OTOP1: variants seen among roughly 807,000 people sequenced by gnomAD.
The protein encoded by OTOP1 is otopetrin 1.
In OTOP1, 59 loss-of-function variants were observed where a neutral mutation model predicts 52.9. The ratio of observed to expected loss-of-function variants is 1.12; its 90% CI spans 0.91 to 1.39. OTOP1 has a LOEUF of 1.39. Among genes scored for constraint, OTOP1 ranks in the 40% most tolerant of loss-of-function variants. The probability of loss-of-function intolerance (pLI) is 0.00; values close to 1 mark genes in which losing one functional copy is unlikely to be tolerated. For synonymous variants in OTOP1, 317 were observed against 337.7 expected (o/e 0.94, Z 0.67); for missense variants, 761 against 800.9 (o/e 0.95, Z 0.60).
intron 1 of OTOP1, among the ~76,000 whole-genome samples, chr4:4,221,133 G>A (rs1717293739): frequency 6.6e-6 from 1 of 150,590 alleles, no homozygotes; most frequent in Admixed American, 6.6e-5. Flanking sequence ...AGGCTGGAGT[G>A]CAGTGGCATG....
rs560918183 is a variant in OTOP1, at chr4:4,219,835, A to G, written c.403+6627T>C. Among the ~76,000 whole-genome samples, 17 of 108,178 alleles carry G rather than the reference A, an allele frequency of 1.6e-4. No individual in the cohort carries two copies. The South Asian group carries it at 5.5e-3, about 35-fold the overall frequency. The allele number at this position is 108,178 out of a possible 152,430, so 71.0% of individuals were successfully genotyped here. A position where few individuals can be genotyped will look rare whatever the true frequency, so the allele number is the denominator to read the frequency against. ...TGTATATATGTATACATATGTGTAT[A>G]CATATATATACACATATACATGTAT... On this transcript the variant is annotated intron_variant, in intron 1 of 5. Coordinates refer to ENST00000296358, the MANE Select transcript of OTOP1 (RefSeq NM_177998.3).
chr4:4,191,573 C>G (rs1716507743), intron 5 of OTOP1, among the ~76,000 whole-genome samples: 1 of 152,166 alleles, frequency 6.6e-6, no homozygotes, highest in Non-Finnish European at 1.5e-5. Flanking sequence ...GGGTTTTATA[C>G]CAGCCATTGT....
chr4:4,219,858 T>C (rs1178050540), intron 1 of OTOP1, among the ~76,000 whole-genome samples: 3 of 147,178 alleles, frequency 2.0e-5, no homozygotes, highest in Non-Finnish European at 4.5e-5. Context: ...CATATACATG[T>C]ATATATGTAT....
chr4:4,199,708 C>T (rs1447691852), intron 4 of OTOP1, among the ~76,000 whole-genome samples: 5 of 152,146 alleles, frequency 3.3e-5, no homozygotes, highest in South Asian at 4.1e-4. Flanking sequence ...CCACCGCACC[C>T]GGCCAGGATG....
rs1476554968 is a variant in OTOP1 at position 4,197,792 on chromosome 4, T to C, written c.1042A>G (p.Ile348Val). The C allele has an allele frequency of 1.2e-6, 2 of 1,613,800 alleles. No individual in the cohort carries two copies. The highest frequency in any genetic ancestry group is 1.7e-6 in the Non-Finnish European group (2 of 1,179,968). ...GTGATGGCATACAGGTAGAACATGA[T>C]GAGTGCCGACTCGCTCTTGGTCTTG... ...RSKTKSESALIMFYLYAITLL... is the reference protein window; with the variant it reads ...RSKTKSESALVMFYLYAITLL... Residue 348 changes from isoleucine (I) to valine (V), a missense_variant, in exon 5 of 6, where the codon ATC (isoleucine) becomes GTC (valine). Coordinates refer to ENST00000296358, the MANE Select transcript of OTOP1 (RefSeq NM_177998.3).
intron 5 of OTOP1, among the ~76,000 whole-genome samples, chr4:4,195,897 G>A (rs2980126): frequency 0.51 from 77,430 of 151,844 alleles, 20,786 homozygotes; most frequent in South Asian, 0.65. Flanking sequence ...ATTATACTGA[G>A]ACCTTTTAGA....
intron 4 of OTOP1, among the ~76,000 whole-genome samples, chr4:4,199,036 C>T (rs1283309099): frequency 6.6e-6 from 1 of 151,952 alleles, no homozygotes; most frequent in African/African-American, 2.4e-5. Context: ...ATTAAAACTA[C>T]AAAAATTAGC....
chr4:4,209,957 G>T (rs1450792015), intron 2 of OTOP1, among the ~76,000 whole-genome samples: 1 of 152,062 alleles, frequency 6.6e-6, no homozygotes, highest in African/African-American at 2.4e-5. Flanking sequence ...TCTCACAAAC[G>T]GTTCTTGGAC....
chr4:4,204,314 C>T (rs936657997), intron 3 of OTOP1, among the ~76,000 whole-genome samples: 13 of 152,156 alleles, frequency 8.5e-5, no homozygotes, highest in African/African-American at 3.1e-4. Flanking sequence ...GGCCAGCCTT[C>T]CCCGAGGTGC....
intron 5 of OTOP1, among the ~76,000 whole-genome samples, chr4:4,195,708 G>T (rs1404928775): frequency 6.6e-6 from 1 of 152,188 alleles, no homozygotes; most frequent in African/African-American, 2.4e-5. Flanking sequence ...AAGACACTGC[G>T]AATCAAATTG....
At chr4:4,211,537 A>G (rs1216162419) in intron 2 of OTOP1, among the ~76,000 whole-genome samples, 3 of 152,236 alleles carry the variant, frequency 2.0e-5, no homozygotes, top group Admixed American at 2.0e-4. Context: ...CAGACACAGA[A>G]AGAAAAATAC....
At chr4:4,223,946 A>G (rs923381459) in intron 1 of OTOP1, among the ~76,000 whole-genome samples, 5 of 151,582 alleles carry the variant, frequency 3.3e-5, no homozygotes, top group Non-Finnish European at 7.4e-5. Context: ...GAAGGAAGAG[A>G]AAGAGAGGAG....
chr4:4,224,922 T>C (rs1197888600), intron 1 of OTOP1, among the ~76,000 whole-genome samples: 1 of 152,138 alleles, frequency 6.6e-6, no homozygotes, highest in Non-Finnish European at 1.5e-5. Context: ...TTGAAAGAAA[T>C]GTGGAAAGGA....
intron 2 of OTOP1, among the ~76,000 whole-genome samples, chr4:4,206,991 C>A (rs1380232233): frequency 6.6e-6 from 1 of 152,212 alleles, no homozygotes; most frequent in East Asian, 1.9e-4. Flanking sequence ...TATTGAGCAC[C>A]TATAGCATGC....
chr4:4,206,973 T>G (rs961344665), intron 2 of OTOP1, among the ~76,000 whole-genome samples: 1 of 152,252 alleles, frequency 6.6e-6, no homozygotes, highest in African/African-American at 2.4e-5. Flanking sequence ...ATTTTAGAGA[T>G]AAACACATAT....
chr4:4,205,753 G>A (rs535605372), intron 3 of OTOP1, among the ~76,000 whole-genome samples: 4 of 152,162 alleles, frequency 2.6e-5, no homozygotes, highest in South Asian at 4.2e-4. Flanking sequence ...AACTTATGAC[G>A]GTTAAAAAAA....
chr4:4,219,875 A>G (rs1421424389), intron 1 of OTOP1, among the ~76,000 whole-genome samples: 2 of 146,700 alleles, frequency 1.4e-5, no homozygotes, highest in South Asian at 2.1e-4. Context: ...GTATACATAT[A>G]TGTATATATA....
intron 1 of OTOP1, among the ~76,000 whole-genome samples, chr4:4,219,862 TATGTATAC>T (rs1490598448): frequency 6.8e-6 from 1 of 146,826 alleles, no homozygotes; most frequent in Non-Finnish European, 1.5e-5. Flanking sequence ...TACATGTATA[TATGTATAC>T]ATATATGTAT....
chr4:4,215,420 G>T (rs974337657), intron 1 of OTOP1, among the ~76,000 whole-genome samples: 47 of 152,176 alleles, frequency 3.1e-4, no homozygotes, highest in African/African-American at 1.1e-3. Flanking sequence ...CCAGCACTTT[G>T]GGATGCTGAG....
Sources: allele counts gnomAD v4.1 joint callset (sites outside exome capture counted in the v4.1 genomes callset), GRCh38; gene constraint gnomAD v4.1.1; transcripts MANE v1.5; gene names NCBI Gene and HGNC (gene_info 2026-07-23, HGNC 2026-07-21).